ZGRF1: variants seen among roughly 807,000 people sequenced by gnomAD.
ZGRF1 encodes zinc finger GRF-type containing 1.
Under a neutral mutation model 203.5 loss-of-function variants are expected in ZGRF1, and 196 were observed. The observed-to-expected ratio is 0.96, with a 90% CI of 0.86 to 1.08. The LOEUF (loss-of-function observed/expected upper bound fraction) is 1.08. Among genes scored for constraint, ZGRF1 ranks in the 50% least tolerant of loss-of-function variants. ZGRF1 has a pLI of 0.00. For missense variants in ZGRF1, 2,326 were observed against 2,416.3 expected, an observed-to-expected ratio of 0.96 and a Z score of 0.78; for synonymous variants, 809 against 841.3, an observed-to-expected ratio of 0.96 and a Z score of 0.66.
intron 16 of ZGRF1, among the ~76,000 whole-genome samples, chr4:112,566,694 G>A (rs978720989): frequency 1.3e-5 from 2 of 152,082 alleles, no homozygotes; most frequent in South Asian, 2.1e-4. Context: ...AACAGAGAGA[G>A]AAGTGGAGAA....
intron 4 of ZGRF1, 69 bp downstream of exon 4, chr4:112,623,748 T>G: frequency 1.3e-6 from 1 of 757,728 alleles, no homozygotes; most frequent in Non-Finnish European, 2.2e-6. Context: ...ACTAACAATA[T>G]TCATAAAGGA....
intron 16 of ZGRF1, among the ~76,000 whole-genome samples, chr4:112,566,109 A>G (rs1162431039): frequency 1.3e-5 from 2 of 152,172 alleles, no homozygotes; most frequent in African/African-American, 4.8e-5. Flanking sequence ...ATGTCCAACA[A>G]TAATAGACTG....
intron 3 of ZGRF1, chr4:112,628,929 TA>T (rs1030303407): frequency 1.9e-4 from 69 of 367,366 alleles, no homozygotes; most frequent in East Asian, 5.9e-4. Context: ...TTTATGTATT[TA>T]AAAAAAATAT....
intron 10 of ZGRF1, among the ~76,000 whole-genome samples, chr4:112,591,331 C>T (rs1748130648): frequency 6.6e-6 from 1 of 152,162 alleles, no homozygotes; most frequent in Non-Finnish European, 1.5e-5. Context: ...CCAGTCTAGA[C>T]TGTATTGCCT....
chr4:112,613,666 G>A (rs1181489860), intron 6 of ZGRF1, among the ~76,000 whole-genome samples: 1 of 152,106 alleles, frequency 6.6e-6, no homozygotes. Context: ...AAAAGTGTTC[G>A]GGTAAAAGGC....
At chr4:112,539,839 G>C in intron 27 of ZGRF1, 24 bp downstream of exon 27, 1 of 1,610,750 alleles carries the variant, frequency 6.2e-7, no homozygotes, top group Non-Finnish European at 8.5e-7. Context: ...TGAAATGCAT[G>C]AATTAAACCC....
At position 112,617,971 on chromosome 4, in the gene ZGRF1, T is replaced by C. The variant is rs774650951; in HGVS notation, c.2071A>G (p.Ile691Val). 3 of 1,613,012 alleles carry C rather than the reference T, an allele frequency of 1.9e-6. No individual in the cohort carries two copies. The highest frequency in any genetic ancestry group is 2.5e-6 in the Non-Finnish European group (3 of 1,179,930). The change falls in exon 6 of 28, where the codon ATT becomes GTT. Residue 691 changes from isoleucine to valine, a missense_variant. Ile to Val is a conservative substitution (Grantham distance 29). Transcript: ENST00000505019. ...GCAATCTGGTTTTGAATATGAGGAA[T>C]ATGTAAATTCATGTTTATACCTTTA... Reference protein sequence around the residue: ...KSKGINMNLHIPHIQNQIAEN... With the variant: ...KSKGINMNLHVPHIQNQIAEN...
At position 112,558,250 on chromosome 4, in the gene ZGRF1, G is replaced by A; in HGVS notation, c.5020C>T (p.Leu1674=). The A allele has an allele frequency of 6.2e-7, 1 of 1,600,142 alleles. No homozygotes were observed. Among genetic ancestry groups the A allele is most frequent in the South Asian group, 1.1e-5 (1 of 88,132 alleles). ...LAVVILFFVQ[L]FEKSEAPTIG... is the part of the protein sequence containing the mutation. ...GTGGGAGCTTCACTCTTTTCAAACA[G>A]CTGTACAAAGAACAAAATCACCACT... The change falls in exon 20 of 28, where the codon CTG becomes TTG. Residue 1674 remains leucine, a synonymous_variant. Coordinates refer to ENST00000505019, the MANE Select transcript of ZGRF1 (RefSeq NM_018392.5).
In ZGRF1 at chr4:112,603,060, G is replaced by A. The variant is rs563918964; in HGVS notation, c.2976+464C>T. Among the ~76,000 whole-genome samples the A allele has an allele frequency of 8.0e-4, 121 of 151,508 alleles. 3 individuals are homozygous for A. The highest frequency in any genetic ancestry group is 1.9e-3 in the East Asian group (10 of 5,170). On this transcript the variant is annotated intron_variant, in intron 10 of 27. Transcript: ENST00000505019. ...TATGTATTATGCTTTGACAAAAAGG[G>A]AAATTTAAAAAAAAATCTCTTTGAT...
intron 16 of ZGRF1, chr4:112,565,084 A>C (rs1387230259): frequency 7.8e-7 from 1 of 1,284,070 alleles, no homozygotes; most frequent in Non-Finnish European, 1.1e-6. Flanking sequence ...TGTGCCCTCT[A>C]CTGGAGGGGT....
rs1279044120 is a variant in ZGRF1, at chr4:112,558,191, A to T, written c.5079T>A (p.Ile1693=). Residue 1693 remains isoleucine, a synonymous_variant, in exon 20 of 28, where the codon ATT becomes ATA. Coordinates refer to ENST00000505019, the MANE Select transcript of ZGRF1 (RefSeq NM_018392.5). ...CAACAGCCACATTAGTAGAAGAAGA[A>T]ATCAGAAGTTTCCACGGCCTTGCAT... ...IGNARPWKLL[I]SSSTNVAVDR... 46 of 1,609,600 alleles carry T rather than the reference A, an allele frequency of 2.9e-5. No individual in the cohort carries two copies. Among genetic ancestry groups the T allele is most frequent in the Non-Finnish European group, 3.8e-5 (45 of 1,178,446 alleles).
chr4:112,612,387 G>A, intron 7 of ZGRF1, 137 bp downstream of exon 7: 1 of 553,388 alleles, frequency 1.8e-6, no homozygotes, highest in East Asian at 3.0e-5. Context: ...GCTGAGGAAG[G>A]CAATGAAAAA....
intron 16 of ZGRF1, among the ~76,000 whole-genome samples, chr4:112,570,846 G>A (rs1329580664): frequency 2.0e-5 from 3 of 152,112 alleles, no homozygotes; most frequent in East Asian, 1.9e-4. Context: ...GCTCACATCT[G>A]TAAACTCAAC....
intron 16 of ZGRF1, among the ~76,000 whole-genome samples, chr4:112,567,509 C>A (rs935846927): frequency 3.3e-5 from 5 of 152,168 alleles, no homozygotes; most frequent in African/African-American, 1.2e-4. Context: ...CAGTGGCACA[C>A]AACTGTAGTC....
intron 22 of ZGRF1, among the ~76,000 whole-genome samples, chr4:112,550,909 A>C (rs1469980595): frequency 6.6e-6 from 1 of 152,188 alleles, no homozygotes; most frequent in Admixed American, 6.5e-5. Flanking sequence ...CTAGGCTTCC[A>C]CATTCACTCA....
At chr4:112,557,387 C>A (rs563597430) in intron 20 of ZGRF1, among the ~76,000 whole-genome samples, 1 of 152,242 alleles carries the variant, frequency 6.6e-6, no homozygotes, top group African/African-American at 2.4e-5. Flanking sequence ...GTTGGCCAAG[C>A]TGGTGTTGAA....
At position 112,585,304 on chromosome 4, in the gene ZGRF1, T is replaced by C. The variant is rs115010623; in HGVS notation, c.4101+237A>G. Among the ~76,000 whole-genome samples the C allele has an allele frequency of 7.6e-3, 1,157 of 152,238 alleles. 17 individuals carry two copies. The highest frequency in any genetic ancestry group is 0.025 in the African/African-American group (1,043 of 41,548). ...TAATAATAAAAATAAATAAAAATACTATACAAAAAGTTCCTAAGCAACTTG... is the reference window on the plus strand; with the variant it reads ...TAATAATAAAAATAAATAAAAATACCATACAAAAAGTTCCTAAGCAACTTG... On this transcript the variant is annotated intron_variant, in intron 14 of 27. Transcript: ENST00000505019.
At chr4:112,564,973 G>T in intron 16 of ZGRF1, 1 of 843,848 alleles carries the variant, frequency 1.2e-6, no homozygotes, top group Non-Finnish European at 2.1e-6. Context: ...AGGTAAGTAA[G>T]GAGGTCTCTG....
intron 23 of ZGRF1, 43 bp downstream of exon 23, chr4:112,548,210 G>A (rs1410520988): frequency 2.6e-6 from 4 of 1,543,202 alleles, no homozygotes; most frequent in Non-Finnish European, 3.5e-6. Context: ...TAAAGTGCTA[G>A]GATTACAGGT....
Sources: allele counts gnomAD v4.1 joint callset (sites outside exome capture counted in the v4.1 genomes callset), GRCh38; gene constraint gnomAD v4.1.1; transcripts MANE v1.5; gene names NCBI Gene and HGNC (gene_info 2026-07-23, HGNC 2026-07-21).